GRM3: variants seen among roughly 807,000 people sequenced by gnomAD.
The protein encoded by GRM3 is glutamate metabotropic receptor 3.
A neutral mutation model predicts 70.5 loss-of-function variants in GRM3; 26 were observed. The ratio of observed to expected loss-of-function variants is 0.37; its 90% CI spans 0.27 to 0.51. The LOEUF (loss-of-function observed/expected upper bound fraction) is 0.51, where lower values mean the gene tolerates loss of function less well. Ranked by LOEUF, GRM3 falls within the 20% of genes least tolerant of loss-of-function variation. The pLI is 0.93. For synonymous variants in GRM3, 443 were observed against 434.9 expected (o/e 1.02, Z -0.23); for missense variants, 859 against 1,123.8 (o/e 0.76, Z 3.37).
intron 1 of GRM3, among the ~76,000 whole-genome samples, chr7:86,654,760 C>T (rs557277479): frequency 1.3e-5 from 2 of 152,186 alleles, no homozygotes; most frequent in Non-Finnish European, 2.9e-5. Context: ...TTATCTCCTT[C>T]GTTCTCTCTC....
At chr7:86,819,645 G>A (rs1001511717) in intron 3 of GRM3, among the ~76,000 whole-genome samples, 1 of 152,114 alleles carries the variant, frequency 6.6e-6, no homozygotes, top group East Asian at 1.9e-4. Flanking sequence ...GAATGGACTC[G>A]TGTCAAAACT....
At chr7:86,658,751 T>C (rs894604891) in intron 1 of GRM3, among the ~76,000 whole-genome samples, 4 of 152,050 alleles carry the variant, frequency 2.6e-5, no homozygotes, top group African/African-American at 9.7e-5. Flanking sequence ...TCTTTAAAAC[T>C]GGGGTATTGT....
chr7:86,652,470 A>G (rs1447735902), intron 1 of GRM3, among the ~76,000 whole-genome samples: 1 of 152,116 alleles, frequency 6.6e-6, no homozygotes, highest in African/African-American at 2.4e-5. Flanking sequence ...AGCTGGGATT[A>G]CAGCCGCCCG....
At chr7:86,823,979 C>G (rs1204104660) in intron 3 of GRM3, among the ~76,000 whole-genome samples, 1 of 152,080 alleles carries the variant, frequency 6.6e-6, no homozygotes, top group East Asian at 1.9e-4. Context: ...GAGAGAGAGC[C>G]TGGAGCAGGG....
At chr7:86,747,130 A>G (rs1796121726) in intron 1 of GRM3, among the ~76,000 whole-genome samples, 1 of 152,102 alleles carries the variant, frequency 6.6e-6, no homozygotes, top group Non-Finnish European at 1.5e-5. Flanking sequence ...CCCATTATAC[A>G]TTTAATTAGC....
At chr7:86,648,464 T>C (rs1465969713) in intron 1 of GRM3, among the ~76,000 whole-genome samples, 1 of 152,174 alleles carries the variant, frequency 6.6e-6, no homozygotes. Flanking sequence ...GAAAGTGATG[T>C]CCATAATTAA....
At chr7:86,773,938 A>G (rs538297127) in intron 2 of GRM3, among the ~76,000 whole-genome samples, 2 of 152,256 alleles carry the variant, frequency 1.3e-5, no homozygotes, top group Admixed American at 6.5e-5. Flanking sequence ...TCACAAGGCA[A>G]TAGGATGGTC....
In GRM3 at chr7:86,786,403, T is replaced by TC; in HGVS notation, c.612dup (p.Arg206AlafsTer16). 6.2e-7 allele frequency: 1 copy of TC among 1,614,144 alleles called. No individual in the cohort carries two copies. The highest frequency in any genetic ancestry group is 8.5e-7 in the Non-Finnish European group (1 of 1,180,024). Reference sequence around the variant, plus strand: ...TACCAGGCCAAAGCCATGGCTGAGATCTTGCGCTTCTTCAACTGGACCTAC... The same window carrying TC: ...TACCAGGCCAAAGCCATGGCTGAGATCCTTGCGCTTCTTCAACTGGACCTAC... On this transcript the variant is annotated frameshift_variant, in exon 3 of 6. Coordinates refer to ENST00000361669, the MANE Select transcript of GRM3 (RefSeq NM_000840.3). LOFTEE classifies it high-confidence loss of function. The surrounding 1 kb of genome is among the most constrained non-coding windows in gnomAD (Gnocchi z 6.0).
intron 1 of GRM3, among the ~76,000 whole-genome samples, chr7:86,761,178 C>T (rs572094317): frequency 6.6e-6 from 1 of 152,100 alleles, no homozygotes; most frequent in African/African-American, 2.4e-5. Context: ...TCCTGGGTAT[C>T]CAACCCATAG....
At chr7:86,737,661 AATT>A (rs1795896087) in intron 1 of GRM3, among the ~76,000 whole-genome samples, 1 of 152,200 alleles carries the variant, frequency 6.6e-6, no homozygotes, top group East Asian at 1.9e-4. Flanking sequence ...ATCTGAAAAA[AATT>A]ATTGTTTGCC....
intron 3 of GRM3, among the ~76,000 whole-genome samples, chr7:86,821,064 C>T (rs1423865248): frequency 6.6e-6 from 1 of 152,118 alleles, no homozygotes; most frequent in Non-Finnish European, 1.5e-5. Context: ...AATAGTCACG[C>T]AAAACTTGGG....
rs114471630 is a variant in GRM3, at chr7:86,750,384, T to G, written c.-140-14622T>G. The stretch of plus-strand genomic sequence containing the variant: ...GTAACACCAGTTTTGTCTAGAATAA[T>G]GCAACTTGGACAAATCAAATGATGT... On this transcript the variant is annotated intron_variant, in intron 1 of 5. Coordinates refer to ENST00000361669, the MANE Select transcript of GRM3 (RefSeq NM_000840.3). Among the ~76,000 whole-genome samples the G allele has an allele frequency of 1.2e-3, 187 of 152,178 alleles. 2 individuals carry two copies. Among genetic ancestry groups the G allele is most frequent in the African/African-American group, 4.3e-3 (179 of 41,548 alleles).
chr7:86,750,204 T>C (rs970890915), intron 1 of GRM3, among the ~76,000 whole-genome samples: 1 of 151,778 alleles, frequency 6.6e-6, no homozygotes, highest in Non-Finnish European at 1.5e-5. Flanking sequence ...GCATTATATA[T>C]CAAAAAGAAA....
intron 5 of GRM3, among the ~76,000 whole-genome samples, chr7:86,852,294 TA>T (rs148579006): frequency 0.021 from 3,252 of 152,296 alleles, 107 homozygotes; most frequent in African/African-American, 0.069. Context: ...GCAGAGTCCA[TA>T]AGTCTTCCAT....
chr7:86,756,138 G>A (rs185291674), intron 1 of GRM3, among the ~76,000 whole-genome samples: 2 of 152,226 alleles, frequency 1.3e-5, no homozygotes, highest in African/African-American at 4.8e-5. Flanking sequence ...GAGTGCAATG[G>A]CGTGATCTTT....
intron 3 of GRM3, among the ~76,000 whole-genome samples, chr7:86,803,820 T>C (rs2116631103): frequency 6.6e-6 from 1 of 152,240 alleles, no homozygotes. Context: ...GCTCACTCAG[T>C]CATGAAGCTA....
intron 1 of GRM3, among the ~76,000 whole-genome samples, chr7:86,703,696 G>A (rs1241313483): frequency 2.6e-5 from 4 of 152,018 alleles, no homozygotes; most frequent in African/African-American, 4.8e-5. Flanking sequence ...AGAGCTCAGC[G>A]AAGTGGAATG....
chr7:86,784,876 A>G (rs1275732890), intron 2 of GRM3, among the ~76,000 whole-genome samples: 2 of 152,228 alleles, frequency 1.3e-5, no homozygotes, highest in East Asian at 3.8e-4. Flanking sequence ...ATAGCTCTGG[A>G]CTATATCTAG....
At chr7:86,661,531 T>A (rs899999529) in intron 1 of GRM3, among the ~76,000 whole-genome samples, 1 of 151,972 alleles carries the variant, frequency 6.6e-6, no homozygotes, top group Admixed American at 6.6e-5. Context: ...TTGGGATTTT[T>A]AAAAATTTAC....
Sources: gnomAD v4.1 joint callset for allele counts (sites outside exome capture counted in the v4.1 genomes callset) on GRCh38, gnomAD v4.1.1 for gene constraint, Gnocchi (gnomAD v3.1) non-coding constraint, MANE v1.5 for transcripts, NCBI Gene and HGNC (gene_info 2026-07-23, HGNC 2026-07-21) for gene names.